SCYL1: variants seen among roughly 807,000 people sequenced by gnomAD.
SCYL1 encodes the protein SCY1 like pseudokinase 1.
SCYL1 carries 85 observed loss-of-function variants against 94.8 expected under a neutral mutation model. That is an observed-to-expected ratio of 0.90 (90% CI 0.75 to 1.07). SCYL1 has a LOEUF of 1.07. Ranked by LOEUF, SCYL1 falls within the 50% of genes least tolerant of loss-of-function variation. The pLI is 0.00. For missense variants in SCYL1, 968 were observed against 1,083.3 expected, an observed-to-expected ratio of 0.89 and a Z score of 1.49; for synonymous variants, 459 against 435.5, an observed-to-expected ratio of 1.05 and a Z score of -0.67.
chr11:65,533,209 G>A (rs1001923572), intron 9 of SCYL1: 1 of 202,332 alleles, frequency 4.9e-6, no homozygotes, highest in African/African-American at 2.3e-5. Flanking sequence ...ATCACCTGAG[G>A]TCAGGAGTTC....
intron 13 of SCYL1, 23 bp downstream of exon 13, chr11:65,536,773 A>G (rs1390750364): frequency 6.3e-7 from 1 of 1,579,892 alleles, no homozygotes; most frequent in South Asian, 1.2e-5. Flanking sequence ...GCCTAGCTGC[A>G]TCAGTGGCTG....
At chr11:65,535,824 A>G in intron 10 of SCYL1, 129 bp from the exon 11 acceptor site, 1 of 905,424 alleles carries the variant, frequency 1.1e-6, no homozygotes, top group Non-Finnish European at 1.7e-6. Flanking sequence ...TCCCCATTTA[A>G]GTGATTCATT....
In SCYL1 at chr11:65,526,222, G is replaced by A. The variant is rs746699618; in HGVS notation, c.474G>A (p.Gly158=). 2.5e-6 allele frequency: 4 copies of A among 1,613,390 alleles called. No homozygotes were observed. The highest frequency in any genetic ancestry group is 3.4e-6 in the Non-Finnish European group (4 of 1,179,994). Residue 158 remains glycine (G), a synonymous_variant, in exon 4 of 18, where the codon GGG becomes GGA. Transcript: ENST00000270176. This position sits in a 1 kb window ranked among gnomAD's most constrained non-coding sequence, Gnocchi z 4.1. The part of the protein sequence containing the change: ...FVDRAGEWKL[G]GLDYMYSAQG... Reference sequence around the variant, plus strand: ...ACCGAGCTGGCGAGTGGAAGCTTGGGGGCCTGGACTACATGTATTCGGCCC... The same window carrying A: ...ACCGAGCTGGCGAGTGGAAGCTTGGAGGCCTGGACTACATGTATTCGGCCC...
At position 65,525,676 on chromosome 11, in the gene SCYL1, C is replaced by T. The variant is rs770914771; in HGVS notation, c.214C>T (p.Arg72Trp). 1.2e-6 allele frequency: 2 copies of T among 1,612,724 alleles called. No homozygotes were observed. Among genetic ancestry groups the T allele is most frequent in the African/African-American group, 1.3e-5 (1 of 74,900 alleles). The change falls in exon 2 of 18, where the codon CGG becomes TGG. Residue 72 changes from arginine (R) to tryptophan (W), a missense_variant. Physicochemically the swap from Arg to Trp is moderately radical, Grantham distance 101. Around this residue, in one of 2 missense-constraint regions of SCYL1, gnomAD observed 494 missense variants for 619.7 expected, o/e 0.80. Coordinates refer to ENST00000270176, the MANE Select transcript of SCYL1 (RefSeq NM_020680.4). ...TGCCTTCAAGCGCTTCAAAACTCTA[C>T]GGCACCCCAACATCCTGGCTTACAT... Reference protein sequence around the residue: ...KAAFKRFKTLRHPNILAYIDG... With the variant: ...KAAFKRFKTLWHPNILAYIDG...
intron 16 of SCYL1, 22 bp downstream of exon 16, chr11:65,538,204 A>G (rs779679779): frequency 1.3e-6 from 2 of 1,563,324 alleles, no homozygotes; most frequent in Non-Finnish European, 1.7e-6. Flanking sequence ...AGGTCTGGCG[A>G]GAGGGTAGAG....
Position 65,525,600 on chromosome 11 carries a change from C to T in SCYL1, c.138C>T (p.Phe46=). 1.2e-6 allele frequency: 2 copies of T among 1,612,668 alleles called. No individual in the cohort carries two copies. Among genetic ancestry groups the T allele is most frequent in the South Asian group, 1.1e-5 (1 of 91,088 alleles). The change falls in exon 2 of 18, where the codon TTC becomes TTT. Residue 46 remains phenylalanine (F), a synonymous_variant. Transcript: ENST00000270176. ...KKATGSPVSI[F]VYDVKPGAEE... ...CCACAGGCAGCCCCGTGTCCATCTTCGTCTATGATGTGAAGCCTGGCGCGG... is the reference window on the plus strand; with the variant it reads ...CCACAGGCAGCCCCGTGTCCATCTTTGTCTATGATGTGAAGCCTGGCGCGG...
At chr11:65,534,814 A>G (rs1030484764) in intron 9 of SCYL1, among the ~76,000 whole-genome samples, 2 of 152,140 alleles carry the variant, frequency 1.3e-5, no homozygotes, top group Admixed American at 1.3e-4. Context: ...CCAGAGACCA[A>G]AGTTTCAGGG....
In SCYL1 at chr11:65,526,636, C is replaced by T; in HGVS notation, c.603-147C>T. 1.4e-6 allele frequency: 1 copy of T among 737,762 alleles called. No individual in the cohort carries two copies. The highest frequency in any genetic ancestry group is 4.0e-4 in the Middle Eastern group (1 of 2,508). 45.7% of individuals were successfully genotyped at this position (737,762 alleles called of 1,614,324 possible). A position where few individuals can be genotyped will look rare whatever the true frequency, so the allele number is the denominator to read the frequency against. On this transcript the variant is annotated intron_variant, in intron 4 of 17. Coordinates refer to ENST00000270176, the MANE Select transcript of SCYL1 (RefSeq NM_020680.4). This position sits in a 1 kb window ranked among gnomAD's most constrained non-coding sequence, Gnocchi z 4.1. ...GGTTTTTTTAATCTGTTAAGTGAGG[C>T]TAATGAAACCTGCCTCTTGGGACTG...
intron 6 of SCYL1, among the ~76,000 whole-genome samples, chr11:65,529,264 G>A (rs953168233): frequency 6.6e-5 from 10 of 152,184 alleles, no homozygotes; most frequent in African/African-American, 2.2e-4. Context: ...CTGAGACCCC[G>A]TTGCCTCCTG....
Position 65,526,057 on chromosome 11 carries a change from C to T in SCYL1, c.375+14C>T, listed in dbSNP as rs761064192. The T allele has an allele frequency of 3.7e-6, 6 of 1,611,996 alleles. No homozygotes were observed. The highest frequency in any genetic ancestry group is 5.1e-6 in the Non-Finnish European group (6 of 1,179,346). ...CACCAGATCGTGGTGAGGTGGGGGG[C>T]AGTGGTGATGAGAGCAGGGATGGGG... is the stretch of plus-strand genomic sequence containing the variant. On this transcript the variant is annotated intron_variant, in intron 3 of 17. Transcript: ENST00000270176. The surrounding 1 kb of genome is among the most constrained non-coding windows in gnomAD (Gnocchi z 4.1).
intron 6 of SCYL1, among the ~76,000 whole-genome samples, chr11:65,528,811 G>C (rs77461879): frequency 0.039 from 6,007 of 152,248 alleles, 164 homozygotes; most frequent in Non-Finnish European, 0.062. Context: ...TACTGGAGTG[G>C]GTATTCAGGG....
Position 65,530,716 on chromosome 11 carries a change from G to C in SCYL1, c.937G>C (p.Val313Leu). ...AFPEDFCRHKVLPQLLTAFEF... is the reference protein window; with the variant it reads ...AFPEDFCRHKLLPQLLTAFEF... ...CCCTGAGGATTTCTGTCGGCACAAGGTGCTGCCCCAGCTGCTGACCGCCTT... is the reference window on the plus strand; with the variant it reads ...CCCTGAGGATTTCTGTCGGCACAAGCTGCTGCCCCAGCTGCTGACCGCCTT... Residue 313 changes from valine to leucine, a missense_variant, in exon 7 of 18, where the codon GTG (valine) becomes CTG (leucine). This residue lies in a region of SCYL1 where 494 missense variants were observed against 619.7 expected (regional missense o/e 0.80). Coordinates refer to ENST00000270176, the MANE Select transcript of SCYL1 (RefSeq NM_020680.4). 2 of 1,614,090 alleles carry C rather than the reference G, an allele frequency of 1.2e-6. No individual in the cohort carries two copies.
intron 7 of SCYL1, among the ~76,000 whole-genome samples, chr11:65,531,236 C>T (rs1031068818): frequency 2.6e-5 from 4 of 152,170 alleles, no homozygotes; most frequent in Non-Finnish European, 5.9e-5. Context: ...ACCCTTTCAT[C>T]TGAAAGACTT....
chr11:65,534,355 T>C (rs1167287343), intron 9 of SCYL1, among the ~76,000 whole-genome samples: 2 of 152,158 alleles, frequency 1.3e-5, no homozygotes, highest in Non-Finnish European at 2.9e-5. Flanking sequence ...GAGGTTGCAG[T>C]GAGTAGAGAT....
rs376947297 is a variant in SCYL1, at chr11:65,525,114, C to T, written c.-40C>T. 789 of 1,269,968 alleles carry T rather than the reference C, an allele frequency of 6.2e-4. 4 individuals carry two copies. In the African/African-American group the frequency reaches 0.011, roughly 18 times the overall value. 78.7% of individuals were successfully genotyped at this position (1,269,968 alleles called of 1,614,324 possible). ...CCCCGGCTCGGGCGGCCGGAGGACC[C>T]GGAGCTAAGGCGCCCGAACCCGCGG... On this transcript the variant is annotated 5_prime_UTR_variant, in exon 1 of 18. Coordinates refer to ENST00000270176, the MANE Select transcript of SCYL1 (RefSeq NM_020680.4).
chr11:65,537,741 G>A, intron 14 of SCYL1, 68 bp from the exon 15 acceptor site: 1 of 1,366,382 alleles, frequency 7.3e-7, no homozygotes, highest in African/African-American at 1.5e-5. Flanking sequence ...TGGCTGGGAT[G>A]ATGCTGGGGC....
chr11:65,525,962 G>C lies in SCYL1; in HGVS notation c.294G>C (p.Pro98=), dbSNP rs951385372. Residue 98 remains proline, a synonymous_variant, in exon 3 of 18, where the codon CCG becomes CCC. Transcript: ENST00000270176. ...CLHVVTEAVT[P]LGIYLKARVE... is the part of the protein sequence containing the mutation. ...ACGTCGTGACAGAGGCTGTGACCCC[G>C]TTGGGAATATACCTCAAGGCGAGAG... 1.9e-6 allele frequency: 3 copies of C among 1,613,584 alleles called. No individual in the cohort carries two copies. Among genetic ancestry groups the C allele is most frequent in the Non-Finnish European group, 2.5e-6 (3 of 1,179,956 alleles).
At chr11:65,527,149 CTA>C in intron 6 of SCYL1, 32 bp downstream of exon 6, 13 of 1,602,726 alleles carry the variant, frequency 8.1e-6, no homozygotes, top group Non-Finnish European at 1.1e-5. Context: ...GGCTTCGACC[CTA>C]TCTTTTTCAT....
intron 6 of SCYL1, 77 bp from the exon 7 acceptor site, chr11:65,530,552 C>T (rs1005611560): frequency 6.6e-7 from 1 of 1,520,548 alleles, no homozygotes; most frequent in Non-Finnish European, 8.9e-7. Context: ...CATCACTTCT[C>T]CTTGTCCTCA....
Sources: gnomAD v4.1 joint callset for allele counts (sites outside exome capture counted in the v4.1 genomes callset) on GRCh38, gnomAD v4.1.1 for gene constraint, gnomAD v4.1.1 regional missense constraint, Gnocchi (gnomAD v3.1) non-coding constraint, MANE v1.5 for transcripts, NCBI Gene and HGNC (gene_info 2026-07-23, HGNC 2026-07-21) for gene names.